IFT57: variants seen among roughly 807,000 people sequenced by gnomAD.
IFT57 encodes the protein intraflagellar transport protein 57 homolog.
Under a neutral mutation model 56.8 loss-of-function variants are expected in IFT57, and 59 were observed. The ratio of observed to expected loss-of-function variants is 1.04; its 90% CI spans 0.84 to 1.29. The LOEUF (loss-of-function observed/expected upper bound fraction) is 1.29. Ranked by LOEUF, IFT57 falls within the 50% of genes most tolerant of loss-of-function variation. The probability of loss-of-function intolerance (pLI) is 0.00; values close to 1 mark genes in which losing one functional copy is unlikely to be tolerated. For synonymous variants in IFT57, 209 were observed against 186.1 expected, an observed-to-expected ratio of 1.12 and a Z score of -1.00; for missense variants, 470 against 522.1, an observed-to-expected ratio of 0.90 and a Z score of 0.97.
Position 108,167,882 on chromosome 3 carries a change from A to T in IFT57, c.778-18T>A, listed in dbSNP as rs1268631337. 1.3e-6 allele frequency: 2 copies of T among 1,540,988 alleles called. No individual in the cohort carries two copies. Among genetic ancestry groups the T allele is most frequent in the Admixed American group, 4.1e-5 (2 of 48,598 alleles). ...CTCCAATCCTACAGGCATAGAGCACATAGAAATAATGTAAAAAATACTACA... is the reference window on the plus strand; with the variant it reads ...CTCCAATCCTACAGGCATAGAGCACTTAGAAATAATGTAAAAAATACTACA... On this transcript the variant is annotated intron_variant, in intron 6 of 10. Coordinates refer to ENST00000264538, the MANE Select transcript of IFT57 (RefSeq NM_018010.4).
chr3:108,200,173 T>C (rs980581345), intron 5 of IFT57, among the ~76,000 whole-genome samples: 1 of 152,138 alleles, frequency 6.6e-6, no homozygotes, highest in African/African-American at 2.4e-5. Context: ...GTAATAGCCA[T>C]GTTTCAGTAA....
chr3:108,218,273 T>C (rs187260990), intron 3 of IFT57: 4 of 225,652 alleles, frequency 1.8e-5, no homozygotes, highest in Admixed American at 1.1e-4. Flanking sequence ...CAAAGATATG[T>C]AGTCACAGTT....
intron 6 of IFT57, among the ~76,000 whole-genome samples, chr3:108,173,997 AGTGTGTGTGTGTGTGTGT>A (rs34537693): frequency 6.9e-5 from 7 of 100,720 alleles, no homozygotes; most frequent in African/African-American, 1.4e-4. Flanking sequence ...CATATATTTG[AGTGTGTGTGTGTGTGTGT>A]GTGTGTGTGT....
intron 6 of IFT57, among the ~76,000 whole-genome samples, chr3:108,175,928 C>T (rs1369257319): frequency 1.3e-5 from 2 of 151,768 alleles, no homozygotes; most frequent in African/African-American, 4.8e-5. Context: ...AGAAAAAACC[C>T]TCACCAGACC....
At chr3:108,170,511 A>G (rs977378698) in intron 6 of IFT57, among the ~76,000 whole-genome samples, 6 of 152,190 alleles carry the variant, frequency 3.9e-5, no homozygotes, top group Middle Eastern at 3.4e-3. Context: ...GCCACAAACA[A>G]GTGGAAAAAC....
chr3:108,202,646 G>A (rs1399439373), intron 5 of IFT57, among the ~76,000 whole-genome samples: 4 of 152,166 alleles, frequency 2.6e-5, no homozygotes. Context: ...AAAGCTATCT[G>A]AAAATTCAAG....
intron 4 of IFT57, among the ~76,000 whole-genome samples, chr3:108,209,222 C>G (rs1451738698): frequency 6.6e-6 from 1 of 152,094 alleles, no homozygotes; most frequent in East Asian, 1.9e-4. Flanking sequence ...TATCATGTAA[C>G]ATAGATGTAC....
chr3:108,167,219 T>C lies in IFT57; in HGVS notation c.850-234A>G, dbSNP rs1577046465. 2.4e-5 allele frequency: 10 copies of C among 425,116 alleles called. No homozygotes were observed. In the South Asian group the frequency reaches 3.3e-4, roughly 14 times the overall value. 26.3% of individuals were successfully genotyped at this position (425,116 alleles called of 1,614,324 possible). ...GCAGTGTTAGTCAATTCATTTGTCA[T>C]TATACATACCATAAAATTTATGTGA... On this transcript the variant is annotated intron_variant, in intron 7 of 10. Transcript: ENST00000264538.
At chr3:108,186,435 T>C (rs1481946136) in intron 6 of IFT57, among the ~76,000 whole-genome samples, 1 of 151,852 alleles carries the variant, frequency 6.6e-6, no homozygotes, top group East Asian at 1.9e-4. Context: ...TTGATGGAGA[T>C]AAGTGCTTCC....
At chr3:108,174,040 GTGTGTT>G (rs1429541893) in intron 6 of IFT57, among the ~76,000 whole-genome samples, 131 of 150,182 alleles carry the variant, frequency 8.7e-4, no homozygotes, top group African/African-American at 2.9e-3. Flanking sequence ...GTGTGTGTGT[GTGTGTT>G]TAAGACAGGG....
rs962260270 is a variant in IFT57 at position 108,218,457 on chromosome 3, T to A, written c.494+78A>T. Reference sequence around the variant, plus strand: ...GTCAAAAAGAATAATTCTTTTATGTTCAATTGAACAGCTCTGTACCCTCAG... The same window carrying A: ...GTCAAAAAGAATAATTCTTTTATGTACAATTGAACAGCTCTGTACCCTCAG... On this transcript the variant is annotated intron_variant, in intron 3 of 10. Coordinates refer to ENST00000264538, the MANE Select transcript of IFT57 (RefSeq NM_018010.4). 5.4e-6 allele frequency: 3 copies of A among 559,998 alleles called. No homozygotes were observed. The African/African-American group carries it at 5.8e-5, about 11-fold the overall frequency. The allele number at this position is 559,998 out of a possible 1,614,324, so 34.7% of individuals were successfully genotyped here. A position where few individuals can be genotyped will look rare whatever the true frequency, so the allele number is the denominator to read the frequency against.
chr3:108,187,575 T>A (rs2080191033), intron 6 of IFT57, among the ~76,000 whole-genome samples: 1 of 151,132 alleles, frequency 6.6e-6, no homozygotes. Flanking sequence ...TTAAACTTGT[T>A]TTCATGTAAG....
intron 5 of IFT57, among the ~76,000 whole-genome samples, chr3:108,196,195 G>C (rs1418051761): frequency 6.6e-6 from 1 of 151,978 alleles, no homozygotes; most frequent in Non-Finnish European, 1.5e-5. Flanking sequence ...GTACCATTTG[G>C]GTGAACTGAA....
chr3:108,181,934 A>G (rs2080153212), intron 6 of IFT57, among the ~76,000 whole-genome samples: 1 of 152,060 alleles, frequency 6.6e-6, no homozygotes, highest in African/African-American at 2.4e-5. Context: ...ATCTGTAAGA[A>G]TTATAACTGT....
rs1447777023 is a variant in IFT57 at position 108,188,122 on chromosome 3, G to A, written c.777+3399C>T. Among the ~76,000 whole-genome samples, 3 of 151,684 alleles carry A rather than the reference G, an allele frequency of 2.0e-5. No homozygotes were observed. The East Asian group carries it at 5.8e-4, about 29-fold the overall frequency. ...CCCACAACAGGCCCCAGTGTGTGAT[G>A]TTCCCCTTCCTGTGTCCAAGTGTCT... On this transcript the variant is annotated intron_variant, in intron 6 of 10. Transcript: ENST00000264538.
chr3:108,184,174 G>A (rs1281830468), intron 6 of IFT57, among the ~76,000 whole-genome samples: 1 of 152,090 alleles, frequency 6.6e-6, no homozygotes, highest in African/African-American at 2.4e-5. Context: ...CATGAGCTAG[G>A]ATTTGGCTGA....
intron 5 of IFT57, among the ~76,000 whole-genome samples, chr3:108,194,739 A>G (rs549234706): frequency 6.6e-6 from 1 of 152,336 alleles, no homozygotes; most frequent in African/African-American, 2.4e-5. Flanking sequence ...TACATTGTGG[A>G]AAGGACAGTC....
intron 5 of IFT57, among the ~76,000 whole-genome samples, chr3:108,202,076 G>A (rs9857746): frequency 0.096 from 14,635 of 152,228 alleles, 766 homozygotes; most frequent in Middle Eastern, 0.12. Flanking sequence ...GCATCTCAAG[G>A]AAGAATAGTA....
intron 6 of IFT57, among the ~76,000 whole-genome samples, chr3:108,180,414 T>C (rs561991317): frequency 2.6e-5 from 4 of 151,908 alleles, no homozygotes; most frequent in Non-Finnish European, 5.9e-5. Context: ...AGAGGCCAAA[T>C]CAGAATTTAA....
Sources: gnomAD v4.1 joint callset for allele counts (sites outside exome capture counted in the v4.1 genomes callset) on GRCh38, gnomAD v4.1.1 for gene constraint, MANE v1.5 for transcripts, NCBI Gene and HGNC (gene_info 2026-07-23, HGNC 2026-07-21) for gene names.